The following CTIF variants were observed in gnomAD, a reference collection of about 807,000 sequenced individuals.
The protein encoded by CTIF is cap binding complex dependent translation initiation factor.
A neutral mutation model predicts 66.0 loss-of-function variants in CTIF; 21 were observed. The ratio of observed to expected loss-of-function variants is 0.32; its 90% confidence interval spans 0.23 to 0.46. The LOEUF is 0.46. Among genes scored for constraint, CTIF ranks in the 20% least tolerant of loss-of-function variants. The pLI is 1.00. For missense variants in CTIF, 739 were observed against 812.7 expected (o/e 0.91, Z 1.10); for synonymous variants, 345 against 326.4 (o/e 1.06, Z -0.62).
chr18:48,729,875 G>A (rs2092422222), intron 7 of CTIF, among the ~76,000 whole-genome samples: 1 of 152,130 alleles, frequency 6.6e-6, no homozygotes, highest in Admixed American at 6.5e-5. Context: ...CCCAGTGGTG[G>A]GACAGTGGCG....
intron 9 of CTIF, among the ~76,000 whole-genome samples, chr18:48,809,152 T>C (rs950138985): frequency 6.6e-6 from 1 of 152,232 alleles, no homozygotes; most frequent in Non-Finnish European, 1.5e-5. Flanking sequence ...AAATGAGCTT[T>C]GTACATTAAA....
intron 1 of CTIF, among the ~76,000 whole-genome samples, chr18:48,614,022 G>C (rs552395156): frequency 6.6e-6 from 1 of 152,290 alleles, no homozygotes; most frequent in South Asian, 2.1e-4. Context: ...GAGGGGAGAG[G>C]CGTGTCTTTT....
chr18:48,748,106 C>G (rs1443371453), intron 7 of CTIF, among the ~76,000 whole-genome samples: 1 of 152,064 alleles, frequency 6.6e-6, no homozygotes, highest in Non-Finnish European at 1.5e-5. Flanking sequence ...GCTATTCCTA[C>G]TAGATTATTT....
At chr18:48,579,214 G>A (rs1023925026) in intron 1 of CTIF, among the ~76,000 whole-genome samples, 6 of 152,066 alleles carry the variant, frequency 3.9e-5, no homozygotes, top group Admixed American at 6.5e-5. Flanking sequence ...TGCAACCTCC[G>A]CCTCCCAGGT....
At chr18:48,648,513 A>T (rs1198662976) in intron 3 of CTIF, among the ~76,000 whole-genome samples, 1 of 151,754 alleles carries the variant, frequency 6.6e-6, no homozygotes, top group Non-Finnish European at 1.5e-5. Flanking sequence ...AAACACACAC[A>T]TGGTGTTGCC....
chr18:48,640,908 A>T (rs1031462842), intron 3 of CTIF, among the ~76,000 whole-genome samples: 2 of 152,218 alleles, frequency 1.3e-5, no homozygotes, highest in Admixed American at 6.5e-5. Context: ...AACCTAGAAG[A>T]GATTGGGTCC....
intron 1 of CTIF, among the ~76,000 whole-genome samples, chr18:48,551,859 G>A (rs1173273050): frequency 6.6e-6 from 1 of 151,790 alleles, no homozygotes; most frequent in Admixed American, 6.6e-5. Flanking sequence ...GTGTAGTGGC[G>A]CGATGTCGGC....
At chr18:48,610,025 C>G (rs1371332122) in intron 1 of CTIF, among the ~76,000 whole-genome samples, 1 of 152,076 alleles carries the variant, frequency 6.6e-6, no homozygotes, top group Non-Finnish European at 1.5e-5. Flanking sequence ...GAGGCCCACT[C>G]TGAGGGAAGG....
chr18:48,602,532 T>A (rs979214941), intron 1 of CTIF, among the ~76,000 whole-genome samples: 1 of 152,242 alleles, frequency 6.6e-6, no homozygotes, highest in African/African-American at 2.4e-5. Flanking sequence ...AGCCTTACAG[T>A]TGATGACTTT....
chr18:48,687,259 T>C (rs2145215713), intron 6 of CTIF, among the ~76,000 whole-genome samples: 1 of 150,622 alleles, frequency 6.6e-6, no homozygotes, highest in Non-Finnish European at 1.5e-5. Flanking sequence ...TGAATGCCAG[T>C]ACATAGATTT....
At chr18:48,575,691 G>A (rs1194686461) in intron 1 of CTIF, among the ~76,000 whole-genome samples, 1 of 151,068 alleles carries the variant, frequency 6.6e-6, no homozygotes, top group African/African-American at 2.4e-5. Context: ...CTGCCCTCAG[G>A]CTCAGACCGG....
chr18:48,733,839 C>T (rs1027738551), intron 7 of CTIF, among the ~76,000 whole-genome samples: 12 of 152,204 alleles, frequency 7.9e-5, no homozygotes. Context: ...CCCTCGCAGC[C>T]CTTCCCCCTG....
At chr18:48,582,577 C>T (rs934000197) in intron 1 of CTIF, among the ~76,000 whole-genome samples, 5 of 152,028 alleles carry the variant, frequency 3.3e-5, no homozygotes, top group East Asian at 3.9e-4. Context: ...TGACCTTCCC[C>T]CTATGTGCTG....
chr18:48,728,054 C>T (rs1184572761), intron 7 of CTIF, among the ~76,000 whole-genome samples: 1 of 152,232 alleles, frequency 6.6e-6, no homozygotes, highest in East Asian at 1.9e-4. Flanking sequence ...TGGCTAAAAA[C>T]TTCTTCCTTA....
chr18:48,772,781 T>C (rs1462812993), intron 9 of CTIF, among the ~76,000 whole-genome samples: 1 of 152,266 alleles, frequency 6.6e-6, no homozygotes, highest in Non-Finnish European at 1.5e-5. Flanking sequence ...TTGTGATTCA[T>C]GCTGATAGGA....
intron 7 of CTIF, among the ~76,000 whole-genome samples, chr18:48,724,050 T>G (rs1008276204): frequency 6.6e-6 from 1 of 152,190 alleles, no homozygotes; most frequent in South Asian, 2.1e-4. Context: ...GGGTGCTTGG[T>G]GTAGTCATCT....
In CTIF at chr18:48,842,650, G is replaced by A. The variant is rs113266122; in HGVS notation, c.1528-14938G>A. 2.6e-5 allele frequency among the ~76,000 whole-genome samples: 4 copies of A among 152,334 alleles called. No individual in the cohort carries two copies. In the South Asian group the frequency reaches 8.3e-4, roughly 32 times the overall value. On this transcript the variant is annotated intron_variant, in intron 10 of 11. Transcript: ENST00000256413. ...AGGGCCTTGTTCCAGCCCAGCAGTC[G>A]CTGATTCTACAGGCAAGTTACTATG...
intron 2 of CTIF, chr18:48,625,386 C>T: frequency 5.3e-6 from 1 of 189,354 alleles, no homozygotes; most frequent in South Asian, 1.8e-4. Flanking sequence ...TAATTAAATT[C>T]TCCTGAGCTA....
At chr18:48,638,014 G>A (rs888254933) in intron 3 of CTIF, among the ~76,000 whole-genome samples, 1 of 152,024 alleles carries the variant, frequency 6.6e-6, no homozygotes. Context: ...CTCCCCATAC[G>A]GCACTGCTAC....
Sources: gnomAD v4.1 joint callset for allele counts (sites outside exome capture counted in the v4.1 genomes callset) on GRCh38, gnomAD v4.1.1 for gene constraint, MANE v1.5 for transcripts, NCBI Gene and HGNC (gene_info 2026-07-23, HGNC 2026-07-21) for gene names.